Variants in GIPC1 observed in about 807,000 individuals in gnomAD.
The protein encoded by GIPC1 is GIPC PDZ domain containing family member 1.
In GIPC1, 15 loss-of-function variants were observed where a neutral mutation model predicts 28.5. The ratio of observed to expected loss-of-function variants is 0.53; its 90% confidence interval spans 0.35 to 0.81. The LOEUF (loss-of-function observed/expected upper bound fraction) is 0.81. GIPC1 is among the 30% of genes least tolerant of loss of function. GIPC1 has a pLI of 0.01. For missense variants in GIPC1, 439 were observed against 481.9 expected (o/e 0.91, Z 0.83); for synonymous variants, 224 against 206.1 (o/e 1.09, Z -0.74).
At chr19:14,483,285 A>C in intron 3 of GIPC1, 1 of 314,080 alleles carries the variant, frequency 3.2e-6, no homozygotes, top group Non-Finnish European at 5.9e-6. Flanking sequence ...GTGAAACCCC[A>C]CCTCTACTAA....
At position 14,484,011 on chromosome 19, in the gene GIPC1, A is replaced by G. The variant is rs372618629; in HGVS notation, c.-30-1005T>C. ...ATGAAGCTCAGCTAACCTTTATTTT[A>G]TTTTTTTGAGATGGAGTCTCACTCT... On this transcript the variant is annotated intron_variant, in intron 3 of 8. Coordinates refer to ENST00000393033, the MANE Select transcript of GIPC1 (RefSeq NM_005716.4). Among the ~76,000 whole-genome samples, 334 of 150,416 alleles carry G rather than the reference A, an allele frequency of 2.2e-3. 7 individuals are homozygous for G. In the South Asian group the frequency reaches 0.068, roughly 31 times the overall value.
Position 14,482,918 on chromosome 19 carries a change from GCCT to G in GIPC1, c.56_58del (p.Glu19del), listed in dbSNP as rs761567762. On this transcript the variant is annotated inframe_deletion, in exon 4 of 9. Coordinates refer to ENST00000393033, the MANE Select transcript of GIPC1 (RefSeq NM_005716.4). ...GCCCAGCCCTCCACGGCCTGGCTCAGCCTCCTCATTTTCCACTAGAGGGGGCGC... is the reference window on the plus strand; with the variant it reads ...GCCCAGCCCTCCACGGCCTGGCTCAGCCTCATTTTCCACTAGAGGGGGCGC... The G allele has an allele frequency of 3.7e-5, 60 of 1,608,742 alleles. No homozygotes were observed. The highest frequency in any genetic ancestry group is 5.3e-5 in the African/African-American group (4 of 74,858).
intron 1 of GIPC1, among the ~76,000 whole-genome samples, chr19:14,495,717 T>G (rs1200766250): frequency 6.6e-6 from 1 of 150,608 alleles, no homozygotes; most frequent in Non-Finnish European, 1.5e-5. Context: ...CAGGAAAGGG[T>G]CAGAAACACT....
chr19:14,478,296 A>T lies in GIPC1; in HGVS notation c.*120T>A, dbSNP rs1250047475. 9.6e-7 allele frequency: 1 copy of T among 1,044,412 alleles called. No homozygotes were observed. Among genetic ancestry groups the T allele is most frequent in the African/African-American group, 1.6e-5 (1 of 62,284 alleles). 64.7% of individuals were successfully genotyped at this position (1,044,412 alleles called of 1,614,324 possible). A position where few individuals can be genotyped will look rare whatever the true frequency, so the allele number is the denominator to read the frequency against. On this transcript the variant is annotated 3_prime_UTR_variant, in exon 9 of 9. Transcript: ENST00000393033. The surrounding 1 kb of genome is among the most constrained non-coding windows in gnomAD (Gnocchi z 5.2). ...GGGCCTGGCCCCACCTCCCCTCACC[A>T]TCGTCCTTGGGCTGCTGAGCTAGGC...
At position 14,480,650 on chromosome 19, in the gene GIPC1, C is replaced by T. The variant is rs142072431; in HGVS notation, c.417G>A (p.Ser139=). 206 of 1,614,206 alleles carry T rather than the reference C, an allele frequency of 1.3e-4. 3 individuals carry two copies. The African/African-American group carries it at 2.2e-3, about 17-fold the overall frequency. ...GQRKEVEVFK[S]EDALGLTITD... ...TGATGGTGAGCCCGAGTGCATCCTC[C>T]GACTTGAACACCTCCACCTCCTTGC... The change falls in exon 5 of 9, where the codon TCG becomes TCA. Residue 139 remains serine, a synonymous_variant. Coordinates refer to ENST00000393033, the MANE Select transcript of GIPC1 (RefSeq NM_005716.4).
intron 4 of GIPC1, chr19:14,481,943 T>C (rs1342659663): frequency 6.6e-6 from 1 of 152,526 alleles, no homozygotes; most frequent in South Asian, 2.1e-4. Flanking sequence ...TCCCACAGCG[T>C]TGAGTTTCTC....
intron 3 of GIPC1, chr19:14,489,522 T>C (rs1490933574): frequency 1.1e-6 from 1 of 885,508 alleles, no homozygotes; most frequent in Non-Finnish European, 1.9e-6. Context: ...TAGATGAATG[T>C]GTGGAGATGG....
Position 14,496,044 on chromosome 19 carries a change from G to GCCT in GIPC1, c.-183_-182insAGG, listed in dbSNP as rs2072071934. 7.1e-5 allele frequency: 9 copies of GCCT among 127,200 alleles called. No individual in the cohort carries two copies. The highest frequency in any genetic ancestry group is 6.2e-4 in the South Asian group (3 of 4,850). The allele number at this position is 127,200 out of a possible 1,614,324, so 7.9% of individuals were successfully genotyped here. On this transcript the variant is annotated 5_prime_UTR_variant, in exon 1 of 9. Transcript: ENST00000393033. ...CTCGCAGAGGCCACTCACCTGCTCC[G>GCCT]CCGCCGCCGCCGCCGCCGCCGCCGC...
intron 3 of GIPC1, among the ~76,000 whole-genome samples, chr19:14,486,568 T>C (rs1296791178): frequency 6.6e-6 from 1 of 151,966 alleles, no homozygotes; most frequent in Non-Finnish European, 1.5e-5. Flanking sequence ...ATGACTACGG[T>C]GAATGGTGCC....
chr19:14,482,380 GA>G (rs1424168632), intron 4 of GIPC1: 3 of 499,470 alleles, frequency 6.0e-6, no homozygotes, highest in Non-Finnish European at 1.1e-5. Flanking sequence ...CCTAATGCCT[GA>G]TGGGATGTCA....
At chr19:14,482,565 C>A (rs1030517640) in intron 4 of GIPC1, 124 bp downstream of exon 4, 2 of 964,422 alleles carry the variant, frequency 2.1e-6, no homozygotes, top group East Asian at 2.6e-5. Context: ...GCCCCCACCA[C>A]TGAGTGGGGC....
In GIPC1 at chr19:14,478,337, G is replaced by C; in HGVS notation, c.*79C>G. The C allele has an allele frequency of 7.1e-7, 1 of 1,406,558 alleles. No individual in the cohort carries two copies. Among genetic ancestry groups the C allele is most frequent in the Non-Finnish European group, 9.7e-7 (1 of 1,036,060 alleles). 87.1% of individuals were successfully genotyped at this position (1,406,558 alleles called of 1,614,324 possible). ...TGAGCTAGGCTCAGGCTGGAGGCTC[G>C]GGTCCTGACGTCAGTGTCCCTGCTG... On this transcript the variant is annotated 3_prime_UTR_variant, in exon 9 of 9. Transcript: ENST00000393033. The surrounding 1 kb of genome is among the most constrained non-coding windows in gnomAD (Gnocchi z 5.2).
At position 14,478,528 on chromosome 19, in the gene GIPC1, G is replaced by A. The variant is rs765648490; in HGVS notation, c.890C>T (p.Pro297Leu). 6.2e-6 allele frequency: 10 copies of A among 1,613,946 alleles called. No individual in the cohort carries two copies. Among genetic ancestry groups the A allele is most frequent in the African/African-American group, 2.7e-5 (2 of 74,910 alleles). The change falls in exon 9 of 9, where the codon CCG becomes CTG. Residue 297 changes from proline (P) to leucine (L), a missense_variant. Coordinates refer to ENST00000393033, the MANE Select transcript of GIPC1 (RefSeq NM_005716.4). The surrounding 1 kb of genome is among the most constrained non-coding windows in gnomAD (Gnocchi z 5.2). ...MVELGKDKRNPDELAEALDER... is the reference protein window; with the variant it reads ...MVELGKDKRNLDELAEALDER... ...GTCCAGGGCCTCGGCCAGCTCATCC[G>A]GGTTCCTTTTGTCCTTTCCCAGCTC...
In GIPC1 at chr19:14,478,113, A is replaced by G; in HGVS notation, c.*303T>C. On this transcript the variant is annotated 3_prime_UTR_variant, in exon 9 of 9. Transcript: ENST00000393033. The surrounding 1 kb of genome is among the most constrained non-coding windows in gnomAD (Gnocchi z 5.2). ...GACCAGTTTGGCAGCTGATGGTGGA[A>G]AGTGGTGGAGGCGGGGGTGGCCGCC... 2.9e-6 allele frequency: 1 copy of G among 350,364 alleles called. No individual in the cohort carries two copies. Among genetic ancestry groups the G allele is most frequent in the Non-Finnish European group, 5.3e-6 (1 of 189,422 alleles). The allele number at this position is 350,364 out of a possible 1,614,324, so 21.7% of individuals were successfully genotyped here. A position where few individuals can be genotyped will look rare whatever the true frequency, so the allele number is the denominator to read the frequency against.
At chr19:14,490,732 G>C (rs1171505333) in intron 3 of GIPC1, among the ~76,000 whole-genome samples, 1 of 152,022 alleles carries the variant, frequency 6.6e-6, no homozygotes, top group East Asian at 1.9e-4. Context: ...CCAGCACTTT[G>C]GGAGTCCAAG....
chr19:14,485,702 T>TATATATATATATAGAGAGAGAGAGAG (rs1300117748), intron 3 of GIPC1, among the ~76,000 whole-genome samples: 1 of 58,792 alleles, frequency 1.7e-5, no homozygotes, highest in Non-Finnish European at 3.7e-5. Context: ...TATATATATA[T>TATATATATATATAGAGAGAGAGAGAG]AGAGAGAGAG....
At position 14,484,110 on chromosome 19, in the gene GIPC1, TGAA is replaced by T. The variant is rs1488473450; in HGVS notation, c.-30-1107_-30-1105del. On this transcript the variant is annotated intron_variant, in intron 3 of 8. Transcript: ENST00000393033. Reference sequence around the variant, plus strand: ...CTGCCTCTCAGGTTCAAGTGATTCTTGAAGAAGAGACCCTGACTCTTTTTTTTT... The same window carrying T: ...CTGCCTCTCAGGTTCAAGTGATTCTTGAAGAGACCCTGACTCTTTTTTTTT... 1.1e-4 allele frequency among the ~76,000 whole-genome samples: 17 copies of T among 150,410 alleles called. No individual in the cohort carries two copies. The East Asian group carries it at 3.4e-3, about 30-fold the overall frequency.
chr19:14,480,290 G>GGGGC lies in GIPC1; in HGVS notation c.655+11_655+14dup. The GGGGC allele has an allele frequency of 6.2e-7, 1 of 1,606,144 alleles. No homozygotes were observed. Among genetic ancestry groups the GGGGC allele is most frequent in the Non-Finnish European group, 8.5e-7 (1 of 1,176,622 alleles). On this transcript the variant is annotated intron_variant, in intron 6 of 8. Transcript: ENST00000393033. ...GAGCAGCGCCACTGGGGAGGTCCAG[G>GGGGC]GGGCGGCTCCTCACCGAAGGCCTTG... is the stretch of plus-strand genomic sequence containing the variant.
rs1348408928 is a variant in GIPC1, at chr19:14,477,798, T to C, written c.*618A>G. ...GATTCTTTATGTTCAAGACAGCAAA[T>C]TCAGATACAAAAACCCACCGCCATC... is the stretch of plus-strand genomic sequence containing the variant. On this transcript the variant is annotated 3_prime_UTR_variant, in exon 9 of 9. Transcript: ENST00000393033. 1 of 152,564 alleles carries C rather than the reference T, an allele frequency of 6.6e-6. No homozygotes were observed. The highest frequency in any genetic ancestry group is 1.9e-4 in the East Asian group (1 of 5,196). The allele number at this position is 152,564 out of a possible 1,614,324, so 9.5% of individuals were successfully genotyped here.
Sources: allele counts gnomAD v4.1 joint callset (sites outside exome capture counted in the v4.1 genomes callset), GRCh38; gene constraint gnomAD v4.1.1; non-coding constraint Gnocchi (gnomAD v3.1); transcripts MANE v1.5; gene names NCBI Gene and HGNC (gene_info 2026-07-23, HGNC 2026-07-21).